Variants in TTC8 observed in about 807,000 individuals in gnomAD.
TTC8 encodes the protein tetratricopeptide repeat domain 8, also known as tetratricopeptide repeat protein 8.
In TTC8, 47 loss-of-function variants were observed where a neutral mutation model predicts 72.5. The observed-to-expected ratio is 0.65, with a 90% CI of 0.51 to 0.83. The LOEUF is 0.83. Among genes scored for constraint, TTC8 ranks in the 40% least tolerant of loss-of-function variants. The pLI, the probability that TTC8 is intolerant of heterozygous loss-of-function variation, is 0.00. For missense variants in TTC8, 611 were observed against 623.2 expected (o/e 0.98, Z 0.21); for synonymous variants, 199 against 221.4 (o/e 0.90, Z 0.90).
Position 88,858,754 on chromosome 14 carries a change from ATTTTTTTTTTTTTTTTTT to A in TTC8, c.798+1488_798+1505del, listed in dbSNP as rs138871136. 9.2e-5 allele frequency among the ~76,000 whole-genome samples: 8 copies of A among 86,912 alleles called. No individual in the cohort carries two copies. In the East Asian group the frequency reaches 2.5e-3, roughly 27 times the overall value. 57.0% of individuals were successfully genotyped at this position (86,912 alleles called of 152,430 possible). A position where few individuals can be genotyped will look rare whatever the true frequency, so the allele number is the denominator to read the frequency against. On this transcript the variant is annotated intron_variant, in intron 9 of 14. Coordinates refer to ENST00000380656, the MANE Select transcript of TTC8 (RefSeq NM_144596.4). ...GACCACAGGCCACCATGCCTGGATA[ATTTTTTTTTTTTTTTTTT>A]TTTTTTTTTTGGTAGAGATGGATTC...
At chr14:88,830,920 C>G in intron 1 of TTC8, 1 of 456,110 alleles carries the variant, frequency 2.2e-6, no homozygotes, top group Middle Eastern at 3.3e-4. Flanking sequence ...TGTCCTTGGT[C>G]TCTCCACATC....
At chr14:88,824,455 T>C (rs2094688783), upstream of TTC8, 1 of 511,732 alleles carries the variant, frequency 2.0e-6, no homozygotes, top group South Asian at 2.4e-5. Flanking sequence ...CGCGGTGCCT[T>C]CTTTTCAAAA....
At chr14:88,864,740 T>A (rs893089444) in intron 10 of TTC8, among the ~76,000 whole-genome samples, 1 of 152,194 alleles carries the variant, frequency 6.6e-6, no homozygotes, top group African/African-American at 2.4e-5. Context: ...AGTATTTCTG[T>A]CTTTTGCCTT....
intron 2 of TTC8, among the ~76,000 whole-genome samples, chr14:88,834,191 G>C (rs2094739262): frequency 6.6e-6 from 1 of 152,188 alleles, no homozygotes; most frequent in Admixed American, 6.5e-5. Context: ...AGTGAGGGAA[G>C]AAGAAAGGGA....
rs541499713 is a variant in TTC8, at chr14:88,853,292, C to G, written c.710+236C>G. Among the ~76,000 whole-genome samples, 49 of 152,284 alleles carry G rather than the reference C, an allele frequency of 3.2e-4. 1 individual carries two copies. In the South Asian group the frequency reaches 9.5e-3, roughly 30 times the overall value. ...TTTGAGACCATCAGGCCCAACTCCC[C>G]TTTTCACATGAGGAAGCTGAGGCCA... On this transcript the variant is annotated intron_variant, in intron 8 of 14. Transcript: ENST00000380656.
At chr14:88,857,154 A>G in intron 8 of TTC8, 36 bp from the exon 9 acceptor site, 1 of 1,579,848 alleles carries the variant, frequency 6.3e-7, no homozygotes, top group East Asian at 2.2e-5. Flanking sequence ...TTTATTTTTA[A>G]GTTGAATGTC....
At chr14:88,854,827 AT>A (rs2141002953) in intron 8 of TTC8, among the ~76,000 whole-genome samples, 1 of 152,238 alleles carries the variant, frequency 6.6e-6, no homozygotes, top group African/African-American at 2.4e-5. Context: ...TTACAGGCAC[AT>A]GCCACCATGC....
At chr14:88,857,112 G>A in intron 8 of TTC8, 78 bp from the exon 9 acceptor site, 1 of 1,209,280 alleles carries the variant, frequency 8.3e-7, no homozygotes, top group Non-Finnish European at 1.2e-6. Context: ...CTTATAATTT[G>A]TCTCTATTCA....
chr14:88,845,370 A>G (rs771278873), intron 7 of TTC8, among the ~76,000 whole-genome samples: 15 of 152,224 alleles, frequency 9.9e-5, no homozygotes, highest in Non-Finnish European at 1.8e-4. Context: ...AGTGACTTGA[A>G]GGCGTTTTGA....
At chr14:88,875,717 A>G (rs897946838) in intron 14 of TTC8, among the ~76,000 whole-genome samples, 1 of 152,228 alleles carries the variant, frequency 6.6e-6, no homozygotes, top group African/African-American at 2.4e-5. Flanking sequence ...GATATAAATT[A>G]GGGTCTTGAT....
rs749173892 is a variant in TTC8 at position 88,871,593 on chromosome 14, A to G, written c.1094A>G (p.Asn365Ser). 8 of 1,614,086 alleles carry G rather than the reference A, an allele frequency of 5.0e-6. No individual in the cohort carries two copies. The highest frequency in any genetic ancestry group is 4.5e-5 in the East Asian group (2 of 44,866). ...MGIYNGQLFN[N>S]LGLCCFYAQQ... Reference sequence around the variant, plus strand: ...ATTTATAACGGCCAGCTTTTTAACAATCTGGGGCTGTGTTGCTTCTATGCC... The same window carrying G: ...ATTTATAACGGCCAGCTTTTTAACAGTCTGGGGCTGTGTTGCTTCTATGCC... The change falls in exon 12 of 15, where the codon AAT (asparagine) becomes AGT (serine). Residue 365 changes from asparagine (N) to serine (S), a missense_variant. Physicochemically the swap from Asn to Ser is conservative, Grantham distance 46 (BLOSUM62 1). Transcript: ENST00000380656. The surrounding 1 kb of genome is among the most constrained non-coding windows in gnomAD (Gnocchi z 4.1).
intron 6 of TTC8, among the ~76,000 whole-genome samples, chr14:88,843,450 T>C (rs2140981742): frequency 6.6e-6 from 1 of 152,342 alleles, no homozygotes; most frequent in Middle Eastern, 3.4e-3. Flanking sequence ...TCCAGTTTTT[T>C]TATGTCTAAA....
At chr14:88,862,886 C>T (rs2141019862) in intron 10 of TTC8, among the ~76,000 whole-genome samples, 1 of 151,888 alleles carries the variant, frequency 6.6e-6, no homozygotes, top group South Asian at 2.1e-4. Flanking sequence ...TCCCTGCTAT[C>T]TAATTATTGT....
At chr14:88,860,426 A>T (rs1167460492) in intron 9 of TTC8, among the ~76,000 whole-genome samples, 3 of 152,230 alleles carry the variant, frequency 2.0e-5, no homozygotes, top group Non-Finnish European at 4.4e-5. Context: ...AGTGGAAGCC[A>T]TTAAGTGCTA....
intron 8 of TTC8, among the ~76,000 whole-genome samples, chr14:88,855,286 T>G (rs2094850885): frequency 6.6e-6 from 1 of 152,222 alleles, no homozygotes; most frequent in Admixed American, 6.5e-5. Flanking sequence ...TTCTTCATTT[T>G]TCATCTCCTT....
chr14:88,870,632 A>G (rs897111236), intron 11 of TTC8, among the ~76,000 whole-genome samples: 1 of 152,238 alleles, frequency 6.6e-6, no homozygotes, highest in Non-Finnish European at 1.5e-5. Context: ...TGTTTTGTGC[A>G]GCATTGTTGG....
intron 8 of TTC8, among the ~76,000 whole-genome samples, chr14:88,855,556 G>T (rs1457552876): frequency 6.6e-6 from 1 of 151,976 alleles, no homozygotes; most frequent in African/African-American, 2.4e-5. Flanking sequence ...TGGTTCTTTG[G>T]CTTTCATGTA....
At position 88,839,724 on chromosome 14, in the gene TTC8, A is replaced by T. The variant is rs2094771169; in HGVS notation, c.265+152A>T. The T allele has an allele frequency of 2.7e-5, 25 of 922,924 alleles. No homozygotes were observed. In the Middle Eastern group the frequency reaches 1.4e-3, roughly 51 times the overall value. 57.2% of individuals were successfully genotyped at this position (922,924 alleles called of 1,614,324 possible). On this transcript the variant is annotated intron_variant, in intron 3 of 14. Transcript: ENST00000380656. ...AAAATGATGAAAAAACCATTACTTC[A>T]AGTAAATGGTTTCTGTTCTGCCTTA...
intron 7 of TTC8, among the ~76,000 whole-genome samples, chr14:88,849,687 G>C (rs1020628258): frequency 1.3e-5 from 2 of 152,172 alleles, no homozygotes; most frequent in Non-Finnish European, 2.9e-5. Flanking sequence ...ACGTGGGCTG[G>C]TGATTCTGTG....
Sources: allele counts gnomAD v4.1 joint callset (sites outside exome capture counted in the v4.1 genomes callset), GRCh38; gene constraint gnomAD v4.1.1; non-coding constraint Gnocchi (gnomAD v3.1); transcripts MANE v1.5; gene names NCBI Gene and HGNC (gene_info 2026-07-23, HGNC 2026-07-21).